SERGEF: variants seen among roughly 807,000 people sequenced by gnomAD.
SERGEF encodes the protein secretion-regulating guanine nucleotide exchange factor.
A neutral mutation model predicts 50.0 loss-of-function variants in SERGEF; 51 were observed. That is an observed-to-expected ratio of 1.02 (90% CI 0.81 to 1.29). The LOEUF (loss-of-function observed/expected upper bound fraction) is 1.29, where lower values mean the gene tolerates loss of function less well. SERGEF is among the 50% of genes most tolerant of loss of function. The pLI is 0.00. For missense variants in SERGEF, 521 were observed against 557.0 expected (o/e 0.94, Z 0.65); for synonymous variants, 205 against 212.4 (o/e 0.97, Z 0.30).
intron 10 of SERGEF, among the ~76,000 whole-genome samples, chr11:17,799,319 C>T (rs868319175): frequency 8.5e-5 from 13 of 152,186 alleles, no homozygotes; most frequent in African/African-American, 2.4e-4. Flanking sequence ...TTGCTGAACC[C>T]GCGGCCTGCA....
At chr11:17,811,870 G>A (rs1849879955) in intron 10 of SERGEF, among the ~76,000 whole-genome samples, 1 of 152,226 alleles carries the variant, frequency 6.6e-6, no homozygotes, top group Admixed American at 6.5e-5. Context: ...CACCACAGAT[G>A]TACGTGCCAC....
rs180773727 is a variant in SERGEF, at chr11:17,865,856, T to C, written c.1048+12352A>G. Among the ~76,000 whole-genome samples, 20 of 152,308 alleles carry C rather than the reference T, an allele frequency of 1.3e-4. No individual in the cohort carries two copies. The East Asian group carries it at 3.1e-3, about 23-fold the overall frequency. ...GTGCACAGTATTTACAGCCTAAGTGTATAGTGTTTATAAAGGCTACAGTAG... is the reference window on the plus strand; with the variant it reads ...GTGCACAGTATTTACAGCCTAAGTGCATAGTGTTTATAAAGGCTACAGTAG... On this transcript the variant is annotated intron_variant, in intron 10 of 10. Transcript: ENST00000265965.
intron 10 of SERGEF, among the ~76,000 whole-genome samples, chr11:17,808,417 G>A (rs928311321): frequency 1.3e-5 from 2 of 152,180 alleles, no homozygotes; most frequent in Non-Finnish European, 2.9e-5. Context: ...AAAAGAGCGA[G>A]CAGGGGGAAG....
intron 5 of SERGEF, among the ~76,000 whole-genome samples, chr11:17,998,956 C>A (rs931678578): frequency 6.6e-6 from 1 of 152,054 alleles, no homozygotes; most frequent in Non-Finnish European, 1.5e-5. Flanking sequence ...TATTTTGTTA[C>A]GGCAGCCCTA....
At chr11:17,956,427 T>C (rs1170248281) in intron 9 of SERGEF, among the ~76,000 whole-genome samples, 1 of 152,264 alleles carries the variant, frequency 6.6e-6, no homozygotes, top group Non-Finnish European at 1.5e-5. Flanking sequence ...TTACCCATTC[T>C]TAGCCTTAGT....
rs370795353 is a variant in SERGEF, at chr11:18,000,562, C to T, written c.448-5G>A. ...AACAACCTTCTCTTTATGGAGCTGT[C>T]AAAATAAAGAAAAGGATTTAGATCT... is the stretch of plus-strand genomic sequence containing the variant. On this transcript the variant is annotated splice_region_variant and splice_polypyrimidine_tract_variant and intron_variant, in intron 4 of 10. Coordinates refer to ENST00000265965, the MANE Select transcript of SERGEF (RefSeq NM_012139.4). 1 of 1,575,502 alleles carries T rather than the reference C, an allele frequency of 6.3e-7. No homozygotes were observed. The highest frequency in any genetic ancestry group is 1.7e-4 in the Middle Eastern group (1 of 5,878).
At chr11:17,917,038 C>T (rs556750509) in intron 9 of SERGEF, among the ~76,000 whole-genome samples, 1 of 152,268 alleles carries the variant, frequency 6.6e-6, no homozygotes, top group East Asian at 1.9e-4. Flanking sequence ...AGTAGAACTA[C>T]CATTTGATCC....
intron 10 of SERGEF, among the ~76,000 whole-genome samples, chr11:17,845,250 A>G (rs1197136759): frequency 1.3e-5 from 2 of 152,136 alleles, no homozygotes; most frequent in Admixed American, 6.5e-5. Flanking sequence ...CCTTAGCATA[A>G]CAAAGTTAAA....
rs1474764692 is a variant in SERGEF at position 17,884,314 on chromosome 11, C to A, written c.1012-6070G>T. On this transcript the variant is annotated intron_variant, in intron 9 of 10. Transcript: ENST00000265965. The surrounding 1 kb of genome is among the most constrained non-coding windows in gnomAD (Gnocchi z 4.6). ...CACTGCGAGCCCTTGGCGGGCACAG[C>A]CGCCAGGGTGGGAGAAGCGTACCAG... is the stretch of plus-strand genomic sequence containing the variant. Among the ~76,000 whole-genome samples the A allele has an allele frequency of 1.3e-5, 2 of 152,188 alleles. No homozygotes were observed. Among genetic ancestry groups the A allele is most frequent in the Non-Finnish European group, 2.9e-5 (2 of 68,022 alleles).
chr11:17,798,776 A>G, intron 10 of SERGEF, among the ~76,000 whole-genome samples: 1 of 152,326 alleles, frequency 6.6e-6, no homozygotes, highest in East Asian at 1.9e-4. Flanking sequence ...TTGAGGGCCT[A>G]CTATGATCAC....
intron 9 of SERGEF, among the ~76,000 whole-genome samples, chr11:17,886,463 T>G (rs1851431403): frequency 6.6e-6 from 1 of 151,842 alleles, no homozygotes; most frequent in African/African-American, 2.4e-5. Context: ...TACAACAAAA[T>G]TAGCCCGGCG....
At chr11:17,900,338 A>G (rs964768243) in intron 9 of SERGEF, among the ~76,000 whole-genome samples, 2 of 152,246 alleles carry the variant, frequency 1.3e-5, no homozygotes, top group Non-Finnish European at 2.9e-5. Flanking sequence ...AAATGCTTAG[A>G]GCAGTATTGT....
At chr11:18,007,834 T>C (rs144554594) in intron 2 of SERGEF, 107 bp downstream of exon 2, 1 of 1,182,410 alleles carries the variant, frequency 8.5e-7, no homozygotes, top group African/African-American at 1.5e-5. Flanking sequence ...CAAAAATACA[T>C]TATTTTCCTC....
At position 17,943,421 on chromosome 11, in the gene SERGEF, T is replaced by C. The variant is rs1185513485; in HGVS notation, c.1011+16049A>G. The stretch of plus-strand genomic sequence containing the variant: ...AATGTCTACATAATCTGTAGTGACA[T>C]ACCTACTTTCATTTCTAATATTTGC... On this transcript the variant is annotated intron_variant, in intron 9 of 10. Coordinates refer to ENST00000265965, the MANE Select transcript of SERGEF (RefSeq NM_012139.4). Among the ~76,000 whole-genome samples the C allele has an allele frequency of 3.9e-5, 6 of 152,156 alleles. No individual in the cohort carries two copies. The East Asian group carries it at 1.2e-3, about 29-fold the overall frequency.
chr11:18,007,968 C>A lies in SERGEF; in HGVS notation c.169G>T (p.Gly57Ter). The change falls in exon 2 of 11, where the codon GGA becomes TGA. Residue 57 changes from glycine to a stop codon, truncating the protein, a stop_gained. Transcript: ENST00000265965. LOFTEE classifies it high-confidence loss of function. ...KPRSVRRITG[G>*]GGHSAVVTDG... is the part of the protein sequence containing the mutation. ...GTGACAACTGCAGAGTGGCCCCCTC[C>A]TCCTGTGATCCTCCTGACACTCCTG... is the stretch of plus-strand genomic sequence containing the variant. 1 of 1,613,958 alleles carries A rather than the reference C, an allele frequency of 6.2e-7. No individual in the cohort carries two copies. The highest frequency in any genetic ancestry group is 1.7e-5 in the Admixed American group (1 of 60,018).
intron 9 of SERGEF, among the ~76,000 whole-genome samples, chr11:17,935,051 G>A (rs1371050955): frequency 6.6e-6 from 1 of 152,090 alleles, no homozygotes; most frequent in African/African-American, 2.4e-5. Context: ...AGGCAGCCAA[G>A]TGATAAGGCT....
chr11:17,953,397 G>A (rs570730849), intron 9 of SERGEF, among the ~76,000 whole-genome samples: 1 of 152,246 alleles, frequency 6.6e-6, no homozygotes, highest in Non-Finnish European at 1.5e-5. Context: ...ACTGTGAAGT[G>A]CTAAAGGACT....
At chr11:17,960,343 T>C (rs1852971411) in intron 8 of SERGEF, among the ~76,000 whole-genome samples, 1 of 151,898 alleles carries the variant, frequency 6.6e-6, no homozygotes, top group South Asian at 2.1e-4. Context: ...CAAAAGAAAA[T>C]GAGATTTGCA....
chr11:17,827,705 A>G (rs2133850375), intron 10 of SERGEF, among the ~76,000 whole-genome samples: 1 of 152,314 alleles, frequency 6.6e-6, no homozygotes, highest in East Asian at 1.9e-4. Context: ...GGTCTAACTC[A>G]GTATCACGAA....
Sources: gnomAD v4.1 joint callset for allele counts (sites outside exome capture counted in the v4.1 genomes callset) on GRCh38, gnomAD v4.1.1 for gene constraint, Gnocchi (gnomAD v3.1) non-coding constraint, MANE v1.5 for transcripts, NCBI Gene and HGNC (gene_info 2026-07-23, HGNC 2026-07-21) for gene names.